KCNIP1: variants seen among roughly 807,000 people sequenced by gnomAD.
KCNIP1 encodes potassium voltage-gated channel interacting protein 1.
A neutral mutation model predicts 33.0 loss-of-function variants in KCNIP1; 18 were observed. That is an observed-to-expected ratio of 0.55 (90% CI 0.38 to 0.81). KCNIP1 has a LOEUF of 0.81. Among genes scored for constraint, KCNIP1 ranks in the 30% least tolerant of loss-of-function variants. The pLI, the probability that KCNIP1 is intolerant of heterozygous loss-of-function variation, is 0.00. For synonymous variants in KCNIP1, 93 were observed against 98.3 expected, an observed-to-expected ratio of 0.95 and a Z score of 0.32; for missense variants, 238 against 271.6, an observed-to-expected ratio of 0.88 and a Z score of 0.87.
chr5:170,389,143 G>A (rs1366805477), intron 1 of KCNIP1: 1 of 152,330 alleles, frequency 6.6e-6, no homozygotes, highest in African/African-American at 2.4e-5. Context: ...CCGAGAGGAA[G>A]GGAGTCCTCC....
intron 1 of KCNIP1, among the ~76,000 whole-genome samples, chr5:170,433,004 A>G (rs11955230): frequency 0.032 from 4,805 of 152,254 alleles, 213 homozygotes; most frequent in African/African-American, 0.098. Flanking sequence ...CTAAAGGATT[A>G]GATGAGTGTT....
intron 1 of KCNIP1, among the ~76,000 whole-genome samples, chr5:170,632,110 T>A (rs1300326688): frequency 6.6e-6 from 1 of 152,052 alleles, no homozygotes; most frequent in Non-Finnish European, 1.5e-5. Context: ...TCCTGCCCAG[T>A]CCCCAGGCCA....
At chr5:170,505,274 G>A (rs1754667953) in intron 1 of KCNIP1, among the ~76,000 whole-genome samples, 1 of 152,152 alleles carries the variant, frequency 6.6e-6, no homozygotes, top group Non-Finnish European at 1.5e-5. Context: ...CTGCCTGGAC[G>A]CTGTTCCTTC....
intron 1 of KCNIP1, among the ~76,000 whole-genome samples, chr5:170,495,430 G>A (rs1347305370): frequency 6.6e-6 from 1 of 152,172 alleles, no homozygotes; most frequent in Non-Finnish European, 1.5e-5. Context: ...CAAGTCAGTG[G>A]CTGTGCAATG....
rs374443943 is a variant in KCNIP1, at chr5:170,367,447, G to GGAAA, written c.88+13503_88+13506dup. The stretch of plus-strand genomic sequence containing the variant: ...GAAAGAAAGAAAGAAAGGAAAGAAA[G>GGAAA]GAAAGAAAGAAAGAAAGAAAGAATG... On this transcript the variant is annotated intron_variant, in intron 1 of 7. Transcript: ENST00000377360. Among the ~76,000 whole-genome samples the GGAAA allele has an allele frequency of 5.2e-3, 741 of 142,870 alleles. 26 individuals carry two copies. Among genetic ancestry groups the GGAAA allele is most frequent in the African/African-American group, 0.018 (661 of 36,504 alleles). 93.7% of individuals were successfully genotyped at this position (142,870 alleles called of 152,430 possible). A position where few individuals can be genotyped will look rare whatever the true frequency, so the allele number is the denominator to read the frequency against.
chr5:170,646,389 AG>A (rs1255146098), intron 1 of KCNIP1, among the ~76,000 whole-genome samples: 1 of 152,162 alleles, frequency 6.6e-6, no homozygotes, highest in Non-Finnish European at 1.5e-5. Flanking sequence ...AAGAATTATA[AG>A]CCATGACCAA....
intron 1 of KCNIP1, among the ~76,000 whole-genome samples, chr5:170,481,766 CT>C (rs2113166026): frequency 6.6e-6 from 1 of 152,226 alleles, no homozygotes; most frequent in Non-Finnish European, 1.5e-5. Context: ...GATTTATTAC[CT>C]TGACAGAAAG....
chr5:170,496,010 G>A (rs928435550), intron 1 of KCNIP1, among the ~76,000 whole-genome samples: 7 of 152,210 alleles, frequency 4.6e-5, no homozygotes, highest in African/African-American at 7.2e-5. Context: ...AGCGGGCCGT[G>A]CAGGGTCAGG....
At chr5:170,452,322 A>G (rs1444247346) in intron 1 of KCNIP1, among the ~76,000 whole-genome samples, 1 of 152,222 alleles carries the variant, frequency 6.6e-6, no homozygotes, top group Non-Finnish European at 1.5e-5. Context: ...CGTTGAAGTC[A>G]AGATAGGGCT....
rs955903851 is a variant in KCNIP1 at position 170,489,160 on chromosome 5, C to T, written c.88+135196C>T. On this transcript the variant is annotated intron_variant, in intron 1 of 7. Coordinates refer to the KCNIP1 transcript ENST00000377360. The surrounding 1 kb of genome is among the most constrained non-coding windows in gnomAD (Gnocchi z 4.3). Reference sequence around the variant, plus strand: ...CAATGGCCCCGGAATGGTGATGGAGCAGCCTGGGAGGCTGCAGGCACTGAA... The same window carrying T: ...CAATGGCCCCGGAATGGTGATGGAGTAGCCTGGGAGGCTGCAGGCACTGAA... Among the ~76,000 whole-genome samples the T allele has an allele frequency of 6.6e-6, 1 of 152,198 alleles. No individual in the cohort carries two copies. Among genetic ancestry groups the T allele is most frequent in the Non-Finnish European group, 1.5e-5 (1 of 68,034 alleles).
intron 5 of KCNIP1, among the ~76,000 whole-genome samples, chr5:170,727,493 C>T (rs563428219): frequency 1.3e-5 from 2 of 152,206 alleles, no homozygotes; most frequent in East Asian, 1.9e-4. Flanking sequence ...TGTTGAAAAA[C>T]TTGGTGTAAG....
At chr5:170,665,659 T>C (rs973922208) in intron 1 of KCNIP1, among the ~76,000 whole-genome samples, 5 of 152,194 alleles carry the variant, frequency 3.3e-5, no homozygotes, top group Non-Finnish European at 5.9e-5. Context: ...CAGACTTCCT[T>C]AGTTTTTACC....
intron 1 of KCNIP1, among the ~76,000 whole-genome samples, chr5:170,493,108 C>T (rs1291183008): frequency 6.6e-6 from 1 of 152,196 alleles, no homozygotes; most frequent in Non-Finnish European, 1.5e-5. Flanking sequence ...CAGGTCAAAT[C>T]CCTTAGCCCT....
At chr5:170,529,325 A>G (rs747852868) in intron 1 of KCNIP1, among the ~76,000 whole-genome samples, 9 of 152,128 alleles carry the variant, frequency 5.9e-5, no homozygotes, top group African/African-American at 9.7e-5. Flanking sequence ...GAGCTTCTCA[A>G]TAGTTCCAGG....
intron 1 of KCNIP1, among the ~76,000 whole-genome samples, chr5:170,532,413 A>T (rs1022616163): frequency 4.6e-5 from 7 of 152,064 alleles, no homozygotes; most frequent in Non-Finnish European, 8.8e-5. Context: ...ACATCCATTG[A>T]CATGTCCTCG....
intron 1 of KCNIP1, among the ~76,000 whole-genome samples, chr5:170,699,846 G>T (rs905152753): frequency 1.3e-5 from 2 of 152,326 alleles, no homozygotes; most frequent in Non-Finnish European, 2.9e-5. Context: ...GAGTCAGCAA[G>T]GAGAGGAAGG....
intron 1 of KCNIP1, among the ~76,000 whole-genome samples, chr5:170,693,046 T>C (rs1308778482): frequency 6.6e-6 from 1 of 152,230 alleles, no homozygotes. Context: ...TGCCCAAGGT[T>C]ACACGAGTAG....
chr5:170,436,389 T>G (rs1248665727), intron 1 of KCNIP1, among the ~76,000 whole-genome samples: 7 of 152,112 alleles, frequency 4.6e-5, no homozygotes, highest in Non-Finnish European at 7.4e-5. Context: ...GGGACCAGCT[T>G]TAAAGGATGA....
intron 1 of KCNIP1, among the ~76,000 whole-genome samples, chr5:170,710,795 G>T (rs529147550): frequency 6.6e-6 from 1 of 152,248 alleles, no homozygotes; most frequent in Admixed American, 6.5e-5. Context: ...CTCTTCCCTT[G>T]TTCCCTCATT....
Sources: allele counts gnomAD v4.1 joint callset (sites outside exome capture counted in the v4.1 genomes callset), GRCh38; gene constraint gnomAD v4.1.1; non-coding constraint Gnocchi (gnomAD v3.1); transcripts MANE v1.5; gene names NCBI Gene and HGNC (gene_info 2026-07-23, HGNC 2026-07-21).